The following DLG2 variants were observed in gnomAD, a reference collection of about 807,000 sequenced individuals.
DLG2 encodes the protein discs large MAGUK scaffold protein 2.
DLG2 carries 45 observed loss-of-function variants against 132.5 expected under a neutral mutation model. The ratio of observed to expected loss-of-function variants is 0.34; its 90% CI spans 0.27 to 0.44. The LOEUF (loss-of-function observed/expected upper bound fraction) is 0.44. DLG2 is among the 20% of genes least tolerant of loss of function. The pLI, the probability that DLG2 is intolerant of heterozygous loss-of-function variation, is 1.00. For synonymous variants in DLG2, 424 were observed against 419.6 expected (o/e 1.01, Z -0.13); for missense variants, 1,045 against 1,196.9 (o/e 0.87, Z 1.87).
intron 9 of DLG2, among the ~76,000 whole-genome samples, chr11:84,110,368 A>C (rs1212613068): frequency 6.6e-6 from 1 of 152,206 alleles, no homozygotes; most frequent in Non-Finnish European, 1.5e-5. Context: ...GAAGCCAGGA[A>C]TCAAATTTCC....
chr11:83,493,665 T>C (rs1326841971), intron 21 of DLG2, among the ~76,000 whole-genome samples: 1 of 152,166 alleles, frequency 6.6e-6, no homozygotes, highest in Non-Finnish European at 1.5e-5. Flanking sequence ...TACTAAACTG[T>C]AGACTGGCTC....
At chr11:84,590,415 G>A (rs1478413452) in intron 6 of DLG2, among the ~76,000 whole-genome samples, 2 of 152,168 alleles carry the variant, frequency 1.3e-5, no homozygotes, top group Admixed American at 6.5e-5. Flanking sequence ...GAGATTAGGA[G>A]ACATAACTTT....
chr11:83,902,097 C>A (rs528491506), intron 15 of DLG2, among the ~76,000 whole-genome samples: 7 of 152,116 alleles, frequency 4.6e-5, no homozygotes, highest in Middle Eastern at 3.4e-3. Context: ...AAATGTAATT[C>A]GAAAGCCTTT....
At chr11:85,602,415 G>T (rs546293761) in intron 2 of DLG2, among the ~76,000 whole-genome samples, 1 of 150,198 alleles carries the variant, frequency 6.7e-6, no homozygotes, top group Non-Finnish European at 1.5e-5. Context: ...TTCTGTCTTT[G>T]TTTGTTTGTT....
chr11:85,535,608 T>C (rs2075528609), intron 3 of DLG2, among the ~76,000 whole-genome samples: 1 of 152,116 alleles, frequency 6.6e-6, no homozygotes, highest in Non-Finnish European at 1.5e-5. Context: ...AGTTACCATA[T>C]AAACCAGCAA....
chr11:85,519,799 G>T (rs1308918086), intron 3 of DLG2, among the ~76,000 whole-genome samples: 1 of 152,158 alleles, frequency 6.6e-6, no homozygotes, highest in South Asian at 2.1e-4. Context: ...ATGGGGTCAG[G>T]TCTTTCTGTG....
rs182787843 is a variant in DLG2, at chr11:84,778,888, G to C, written c.358-244157C>G. Among the ~76,000 whole-genome samples, 16 of 152,270 alleles carry C rather than the reference G, an allele frequency of 1.1e-4. 1 individual carries two copies. In the East Asian group the frequency reaches 2.9e-3, roughly 28 times the overall value. On this transcript the variant is annotated intron_variant, in intron 6 of 27. Transcript: ENST00000376104. ...AGAAGGTGAAAGAAGCTGACTTGCT[G>C]AGTCTTCCCGCCTTTCTATTTCTCC...
chr11:85,497,077 G>A (rs915647653), intron 3 of DLG2, among the ~76,000 whole-genome samples: 7 of 151,914 alleles, frequency 4.6e-5, no homozygotes, highest in African/African-American at 1.4e-4. Flanking sequence ...TGGAGAATGA[G>A]TTTGATGAGT....
chr11:85,087,844 C>CAAAAAAAAAAAA lies in DLG2; in HGVS notation c.357+23805_357+23816dup, dbSNP rs71465019. Among the ~76,000 whole-genome samples the CAAAAAAAAAAAA allele has an allele frequency of 2.2e-3, 48 of 22,050 alleles. 1 individual carries two copies. The highest frequency in any genetic ancestry group is 4.2e-3 in the Non-Finnish European group (37 of 8,850). 14.5% of individuals were successfully genotyped at this position (22,050 alleles called of 152,430 possible). On this transcript the variant is annotated intron_variant, in intron 6 of 27. Transcript: ENST00000376104. Reference sequence around the variant, plus strand: ...TGGGCGACAGAGCGAGACTCCGTCTCAAAAAAAAAAAAAAAAAAAAAAAAA... The same window carrying CAAAAAAAAAAAA: ...TGGGCGACAGAGCGAGACTCCGTCTCAAAAAAAAAAAAAAAAAAAAAAAAAAAAAAAAAAAAA...
chr11:85,046,695 A>AT (rs1299505703), intron 6 of DLG2, among the ~76,000 whole-genome samples: 3 of 151,818 alleles, frequency 2.0e-5, no homozygotes, highest in Non-Finnish European at 2.9e-5. Context: ...AATGACCCTT[A>AT]TTTTTCACAA....
At chr11:84,527,393 G>A (rs1381391449) in intron 7 of DLG2, among the ~76,000 whole-genome samples, 1 of 151,958 alleles carries the variant, frequency 6.6e-6, no homozygotes, top group African/African-American at 2.4e-5. Flanking sequence ...TTTTTTTATT[G>A]GCTTCTTCAT....
chr11:83,925,328 A>G (rs2078766095), intron 15 of DLG2, among the ~76,000 whole-genome samples: 3 of 152,084 alleles, frequency 2.0e-5, no homozygotes, highest in African/African-American at 7.2e-5. Context: ...GGAGCTCTCT[A>G]AACCTCTTCT....
Position 84,896,264 on chromosome 11 carries a change from G to A in DLG2, c.357+215397C>T, listed in dbSNP as rs11234230. Among the ~76,000 whole-genome samples, 15 of 151,972 alleles carry A rather than the reference G, an allele frequency of 9.9e-5. No individual in the cohort carries two copies. The East Asian group carries it at 2.9e-3, about 29-fold the overall frequency. On this transcript the variant is annotated intron_variant, in intron 6 of 27. Transcript: ENST00000376104. ...TTATATGCAAATTCTACAACGAGCA[G>A]AGGGTCCACTAATATTGTGCCAAAG...
chr11:85,346,135 T>C (rs1565355479), intron 3 of DLG2, among the ~76,000 whole-genome samples: 1 of 151,930 alleles, frequency 6.6e-6, no homozygotes, highest in Non-Finnish European at 1.5e-5. Flanking sequence ...GATGCTTGTA[T>C]ATATGAGATG....
At chr11:85,567,220 G>T (rs1320060887) in intron 3 of DLG2, among the ~76,000 whole-genome samples, 1 of 152,086 alleles carries the variant, frequency 6.6e-6, no homozygotes, top group East Asian at 1.9e-4. Context: ...ACAGCTATTG[G>T]TATTTTGATA....
intron 6 of DLG2, among the ~76,000 whole-genome samples, chr11:85,059,514 C>T (rs2063810567): frequency 1.3e-5 from 2 of 151,624 alleles, no homozygotes; most frequent in African/African-American, 4.8e-5. Flanking sequence ...TATCCATCAA[C>T]ATCAGAGTGA....
At chr11:84,761,922 T>G (rs2067682421) in intron 6 of DLG2, among the ~76,000 whole-genome samples, 1 of 152,166 alleles carries the variant, frequency 6.6e-6, no homozygotes, top group Non-Finnish European at 1.5e-5. Flanking sequence ...GTCACTTAAA[T>G]AAAATTATAA....
intron 10 of DLG2, among the ~76,000 whole-genome samples, chr11:84,077,565 T>C (rs930680114): frequency 6.6e-6 from 1 of 152,230 alleles, no homozygotes; most frequent in Non-Finnish European, 1.5e-5. Flanking sequence ...AAAACAACTA[T>C]GTGCTATTTT....
At chr11:83,789,920 C>G in intron 17 of DLG2, 2 of 924,346 alleles carry the variant, frequency 2.2e-6, no homozygotes, top group Non-Finnish European at 1.5e-6. Flanking sequence ...AACTGTGTTT[C>G]AATCTCTTTT....
Sources: allele counts gnomAD v4.1 joint callset (sites outside exome capture counted in the v4.1 genomes callset), GRCh38; gene constraint gnomAD v4.1.1; transcripts MANE v1.5; gene names NCBI Gene and HGNC (gene_info 2026-07-23, HGNC 2026-07-21).